The following ARFGEF1 variants were observed in gnomAD, a reference collection of about 807,000 sequenced individuals.
ARFGEF1 encodes ARF guanine nucleotide exchange factor 1, also known as brefeldin A-inhibited guanine nucleotide-exchange protein 1.
A neutral mutation model predicts 231.0 loss-of-function variants in ARFGEF1; 42 were observed. That is an observed-to-expected ratio of 0.18 (90% confidence interval 0.14 to 0.24). The LOEUF (loss-of-function observed/expected upper bound fraction) is 0.24. Ranked by LOEUF, ARFGEF1 falls within the 10% of genes least tolerant of loss-of-function variation. The pLI, the probability that ARFGEF1 is intolerant of heterozygous loss-of-function variation, is 1.00. For synonymous variants in ARFGEF1, 710 were observed against 732.3 expected, an observed-to-expected ratio of 0.97 and a Z score of 0.49; for missense variants, 1,345 against 2,192.0, an observed-to-expected ratio of 0.61 and a Z score of 7.72.
chr8:67,269,299 A>AT (rs1804974421), intron 10 of ARFGEF1, among the ~76,000 whole-genome samples: 1 of 150,166 alleles, frequency 6.7e-6, no homozygotes, highest in Non-Finnish European at 1.5e-5. Flanking sequence ...AACAATCTTA[A>AT]TTTTGTTTTG....
chr8:67,324,668 C>T (rs1807747871), intron 1 of ARFGEF1, among the ~76,000 whole-genome samples: 1 of 152,188 alleles, frequency 6.6e-6, no homozygotes, highest in Non-Finnish European at 1.5e-5. Flanking sequence ...TGCAAATCTG[C>T]CTTCCCCCAA....
intron 34 of ARFGEF1, among the ~76,000 whole-genome samples, chr8:67,205,479 CAACAAATGGATAAAAATGT>C (rs1032310134): frequency 2.0e-4 from 31 of 152,140 alleles, no homozygotes; most frequent in Middle Eastern, 3.2e-3. Context: ...TTTTTTAATT[CAACAAATGGATAAAAATGT>C]AACAAATGGA....
chr8:67,192,060 T>G (rs113708510), intron 5 of ARFGEF1, among the ~76,000 whole-genome samples: 93 of 149,226 alleles, frequency 6.2e-4, no homozygotes, highest in African/African-American at 2.1e-3. Flanking sequence ...AATCCTTTGC[T>G]GATTTGTTTT....
At chr8:67,337,703 TTCTTTGC>T (rs1808413277) in intron 1 of ARFGEF1, among the ~76,000 whole-genome samples, 1 of 152,218 alleles carries the variant, frequency 6.6e-6, no homozygotes. Context: ...CTTATGTCAC[TTCTTTGC>T]TCAAATGTCA....
intron 1 of ARFGEF1, among the ~76,000 whole-genome samples, chr8:67,339,317 T>C (rs1039536834): frequency 6.6e-6 from 1 of 152,110 alleles, no homozygotes; most frequent in Non-Finnish European, 1.5e-5. Context: ...GGTCAGCTCT[T>C]CAACTTTTTC....
At position 67,190,742 on chromosome 8, in the gene ARFGEF1, T is replaced by C. The variant is rs1808140; in HGVS notation, c.560+9654A>G. The C allele has an allele frequency of 0.013, 20,918 of 1,610,886 alleles. 510 individuals carry two copies. The highest frequency in any genetic ancestry group is 0.043 in the South Asian group (3,949 of 91,006). On this transcript the variant is annotated intron_variant, in intron 5 of 5. Coordinates refer to the ARFGEF1 transcript ENST00000518789. The stretch of plus-strand genomic sequence containing the variant: ...TGCACGGGAGCGCAGGAGGAACAAA[T>C]GGAAAGGACTAGACATTGTATGTAT...
chr8:67,193,720 T>C (rs773423351), downstream of ARFGEF1: 7 of 830,742 alleles, frequency 8.4e-6, no homozygotes, highest in African/African-American at 3.4e-5. Context: ...GACCTTTGAG[T>C]TGTATGGCCC....
intron 1 of ARFGEF1, among the ~76,000 whole-genome samples, chr8:67,305,159 G>A (rs971141088): frequency 1.3e-5 from 2 of 152,168 alleles, no homozygotes; most frequent in South Asian, 4.1e-4. Flanking sequence ...ATAACTGTGA[G>A]CATGAGAAAC....
intron 18 of ARFGEF1, among the ~76,000 whole-genome samples, chr8:67,252,242 C>T (rs1352667397): frequency 1.4e-5 from 2 of 141,464 alleles, no homozygotes; most frequent in East Asian, 4.2e-4. Context: ...AAGCCAAGAT[C>T]GCACCATTGC....
chr8:67,311,698 A>G (rs1303173506), intron 1 of ARFGEF1, among the ~76,000 whole-genome samples: 2 of 151,940 alleles, frequency 1.3e-5, no homozygotes, highest in Admixed American at 1.3e-4. Context: ...TGGGAAGTGA[A>G]GAGCCCTTCT....
intron 5 of ARFGEF1, among the ~76,000 whole-genome samples, chr8:67,175,850 C>T (rs910974424): frequency 5.3e-5 from 8 of 152,088 alleles, no homozygotes; most frequent in East Asian, 1.9e-4. Context: ...TTTGATGTGG[C>T]GTAAAATCTG....
chr8:67,204,630 C>A (rs966401471), intron 35 of ARFGEF1, 50 bp downstream of exon 35: 1 of 1,577,046 alleles, frequency 6.3e-7, no homozygotes, highest in South Asian at 1.2e-5. Context: ...GACTGCTATA[C>A]CTAACTTCCT....
At chr8:67,195,727 T>TATC (rs1319295555), downstream of ARFGEF1, 1 of 646,574 alleles carries the variant, frequency 1.5e-6, no homozygotes, top group African/African-American at 1.8e-5. Flanking sequence ...AAATTATTTT[T>TATC]ATCATGATGT....
intron 19 of ARFGEF1, among the ~76,000 whole-genome samples, chr8:67,244,266 A>AAAAAAAAAAAAAAAAAAAAAAAACAAAAC (rs1563860748): frequency 5.8e-5 from 1 of 17,206 alleles, no homozygotes; most frequent in African/African-American, 2.9e-4. Flanking sequence ...AAAAAAAAAA[A>AAAAAAAAAAAAAAAAAAAAAAAACAAAAC]AACATTCGAC....
At chr8:67,235,054 A>AT (rs1839674285) in intron 22 of ARFGEF1, among the ~76,000 whole-genome samples, 1 of 149,954 alleles carries the variant, frequency 6.7e-6, no homozygotes, top group Non-Finnish European at 1.5e-5. Flanking sequence ...TGTGGGGAAA[A>AT]AATATGTGTA....
At chr8:67,275,739 TTTTAGAAAATAGTA>T (rs1805286117) in intron 9 of ARFGEF1, among the ~76,000 whole-genome samples, 1 of 152,140 alleles carries the variant, frequency 6.6e-6, no homozygotes, top group South Asian at 2.1e-4. Flanking sequence ...AACTTTTTGT[TTTTAGAAAATAGTA>T]TAAGTCACAT....
chr8:67,329,964 C>G (rs1433746870), intron 1 of ARFGEF1, among the ~76,000 whole-genome samples: 2 of 151,132 alleles, frequency 1.3e-5, no homozygotes, highest in African/African-American at 4.8e-5. Context: ...TAAAAAAAAA[C>G]AAAGGCTACT....
Position 67,198,026 on chromosome 8 carries a change from T to C in ARFGEF1, c.*908A>G, listed in dbSNP as rs1223114935. 3.0e-6 allele frequency: 3 copies of C among 985,724 alleles called. No individual in the cohort carries two copies. The highest frequency in any genetic ancestry group is 3.6e-6 in the Non-Finnish European group (3 of 829,944). The allele number at this position is 985,724 out of a possible 1,614,324, so 61.1% of individuals were successfully genotyped here. A position where few individuals can be genotyped will look rare whatever the true frequency, so the allele number is the denominator to read the frequency against. On this transcript the variant is annotated 3_prime_UTR_variant, in exon 39 of 39. Coordinates refer to ENST00000262215, the MANE Select transcript of ARFGEF1 (RefSeq NM_006421.5). ...CCAAAAGAAAAGAAAATGACAGCAA[T>C]CTGGATTCATTTTGCAGTGATTCAA...
intron 10 of ARFGEF1, among the ~76,000 whole-genome samples, chr8:67,268,877 G>C (rs1804955466): frequency 6.6e-6 from 1 of 152,160 alleles, no homozygotes. Flanking sequence ...TCTGGCCAAA[G>C]TGCAACTTTC....
Sources: allele counts gnomAD v4.1 joint callset (sites outside exome capture counted in the v4.1 genomes callset), GRCh38; gene constraint gnomAD v4.1.1; transcripts MANE v1.5; gene names NCBI Gene and HGNC (gene_info 2026-07-23, HGNC 2026-07-21).